Variants in PTPRM observed in about 807,000 individuals in gnomAD.
PTPRM encodes receptor-type tyrosine-protein phosphatase mu.
In PTPRM, 47 loss-of-function variants were observed where a neutral mutation model predicts 186.7. That is an observed-to-expected ratio of 0.25 (90% CI 0.20 to 0.32). PTPRM has a LOEUF of 0.32. Among genes scored for constraint, PTPRM ranks in the 10% least tolerant of loss-of-function variants. PTPRM has a pLI of 1.00. For missense variants in PTPRM, 1,494 were observed against 1,865.0 expected (o/e 0.80, Z 3.66); for synonymous variants, 668 against 674.9 (o/e 0.99, Z 0.16).
At chr18:8,016,306 G>A (rs1312121673) in intron 7 of PTPRM, among the ~76,000 whole-genome samples, 1 of 152,108 alleles carries the variant, frequency 6.6e-6, no homozygotes, top group Non-Finnish European at 1.5e-5. Context: ...GATCACTTGA[G>A]GTCAGGAGTT....
intron 8 of PTPRM, among the ~76,000 whole-genome samples, chr18:8,070,897 T>A (rs930656871): frequency 6.6e-6 from 1 of 152,210 alleles, no homozygotes; most frequent in Non-Finnish European, 1.5e-5. Flanking sequence ...GATAATGTAA[T>A]TTTGACCATT....
intron 23 of PTPRM, among the ~76,000 whole-genome samples, chr18:8,370,126 C>T (rs1023634548): frequency 2.7e-5 from 4 of 149,082 alleles, no homozygotes; most frequent in Admixed American, 2.0e-4. Context: ...GAGGTGGTCA[C>T]GTGTTCCTGC....
chr18:7,984,289 T>C (rs907953443), intron 7 of PTPRM, among the ~76,000 whole-genome samples: 1 of 151,960 alleles, frequency 6.6e-6, no homozygotes, highest in Non-Finnish European at 1.5e-5. Flanking sequence ...GCAAGAGAGA[T>C]AACAGTATCC....
chr18:8,003,540 C>T (rs1412673200), intron 7 of PTPRM, among the ~76,000 whole-genome samples: 1 of 152,216 alleles, frequency 6.6e-6, no homozygotes, highest in Non-Finnish European at 1.5e-5. Context: ...GATGACTACA[C>T]TTGCAGAAGA....
intron 4 of PTPRM, among the ~76,000 whole-genome samples, chr18:7,918,078 TTGTGTGTGTG>T (rs35838540): frequency 3.2e-4 from 47 of 148,102 alleles, no homozygotes; most frequent in African/African-American, 1.2e-3. Context: ...TCTTGTGTGT[TTGTGTGTGTG>T]TGTGTGTGTG....
intron 1 of PTPRM, among the ~76,000 whole-genome samples, chr18:7,682,046 G>A (rs977599409): frequency 6.6e-6 from 1 of 152,202 alleles, no homozygotes; most frequent in African/African-American, 2.4e-5. Flanking sequence ...ACCCTGTGGG[G>A]TAGGTATGAT....
chr18:7,596,634 T>A (rs567398994), intron 1 of PTPRM, among the ~76,000 whole-genome samples: 1 of 152,270 alleles, frequency 6.6e-6, no homozygotes, highest in African/African-American at 2.4e-5. Flanking sequence ...ATATATAGGG[T>A]TTGGTACTGT....
Position 7,774,285 on chromosome 18 carries a change from TTTAAG to T in PTPRM, c.196+17_196+21del. 6.2e-7 allele frequency: 1 copy of T among 1,613,292 alleles called. No homozygotes were observed. Among genetic ancestry groups the T allele is most frequent in the Non-Finnish European group, 8.5e-7 (1 of 1,179,612 alleles). On this transcript the variant is annotated intron_variant, in intron 2 of 32. Transcript: ENST00000580170. ...GGATGCCATCAGGTTTGCTTTTAGTTTTAAGTTTTGTTTTAAAGAGGAACACAAGA... is the reference window on the plus strand; with the variant it reads ...GGATGCCATCAGGTTTGCTTTTAGTTTTTTGTTTTAAAGAGGAACACAAGA...
chr18:8,358,249 GCACACA>G (rs144869213), intron 23 of PTPRM, among the ~76,000 whole-genome samples: 2,750 of 147,648 alleles, frequency 0.019, 94 homozygotes, highest in African/African-American at 0.064. Flanking sequence ...CACATGACAC[GCACACA>G]CACACACACA....
chr18:8,112,385 C>T (rs2091793967), intron 11 of PTPRM, among the ~76,000 whole-genome samples: 1 of 149,388 alleles, frequency 6.7e-6, no homozygotes, highest in African/African-American at 2.6e-5. Context: ...TCTAGGCATT[C>T]CCCCCATGGG....
At chr18:8,304,333 C>T (rs1345502329) in intron 20 of PTPRM, among the ~76,000 whole-genome samples, 3 of 152,212 alleles carry the variant, frequency 2.0e-5, no homozygotes, top group Non-Finnish European at 4.4e-5. Flanking sequence ...CCCTAAATCT[C>T]GCATCACCCC....
intron 20 of PTPRM, among the ~76,000 whole-genome samples, chr18:8,302,207 G>A (rs1175124148): frequency 1.3e-5 from 2 of 152,202 alleles, no homozygotes; most frequent in Non-Finnish European, 2.9e-5. Flanking sequence ...GAGTGAGGAG[G>A]TATGGGAAGG....
At chr18:8,375,759 G>A (rs1338202675) in intron 24 of PTPRM, among the ~76,000 whole-genome samples, 1 of 152,114 alleles carries the variant, frequency 6.6e-6, no homozygotes, top group Non-Finnish European at 1.5e-5. Context: ...TTTTAGAAAG[G>A]AATTTCAAAC....
intron 13 of PTPRM, among the ~76,000 whole-genome samples, chr18:8,122,825 T>C (rs149107526): frequency 5.8e-4 from 89 of 152,360 alleles, no homozygotes; most frequent in African/African-American, 2.1e-3. Flanking sequence ...GGCAGTGTTC[T>C]AACAGCTTTG....
At chr18:8,358,245 A>ACACG (rs2095575031) in intron 23 of PTPRM, among the ~76,000 whole-genome samples, 2 of 92,092 alleles carry the variant, frequency 2.2e-5, no homozygotes, top group South Asian at 6.8e-4. Flanking sequence ...TATGCACATG[A>ACACG]CACGCACACA....
rs2095709951 is a variant in PTPRM, at chr18:8,378,427, T to C, written c.3612+13T>C. On this transcript the variant is annotated intron_variant, in intron 27 of 32. Transcript: ENST00000580170. ...AGAGGAATTCCGGGTAAGTGATGCC[T>C]AAGGGAGGGGCACTGCACGGTGACT... The C allele has an allele frequency of 1.9e-6, 3 of 1,613,534 alleles. No individual in the cohort carries two copies. The highest frequency in any genetic ancestry group is 2.2e-5 in the South Asian group (2 of 91,006).
intron 1 of PTPRM, among the ~76,000 whole-genome samples, chr18:7,578,619 GC>G (rs2036761184): frequency 6.6e-6 from 1 of 151,304 alleles, no homozygotes; most frequent in Non-Finnish European, 1.5e-5. Flanking sequence ...ACAGGCGTGA[GC>G]CACAGCGCCT....
At chr18:8,241,536 C>T (rs1451271166) in intron 14 of PTPRM, among the ~76,000 whole-genome samples, 3 of 152,082 alleles carry the variant, frequency 2.0e-5, no homozygotes, top group African/African-American at 4.8e-5. Flanking sequence ...TTTGACAACA[C>T]GTAAAAATTA....
At chr18:7,902,245 A>G (rs1271051227) in intron 3 of PTPRM, among the ~76,000 whole-genome samples, 1 of 152,218 alleles carries the variant, frequency 6.6e-6, no homozygotes, top group Admixed American at 6.5e-5. Context: ...TTGCCTCTTG[A>G]TATTCTAGTT....
Sources: gnomAD v4.1 joint callset for allele counts (sites outside exome capture counted in the v4.1 genomes callset) on GRCh38, gnomAD v4.1.1 for gene constraint, MANE v1.5 for transcripts, NCBI Gene and HGNC (gene_info 2026-07-23, HGNC 2026-07-21) for gene names.